The following SLC35D1 variants were observed in gnomAD, a reference collection of about 807,000 sequenced individuals.
The protein encoded by SLC35D1 is solute carrier family 35 member D1.
In SLC35D1, 31 loss-of-function variants were observed where a neutral mutation model predicts 46.7. The observed-to-expected ratio is 0.66, with a 90% confidence interval of 0.50 to 0.90. The LOEUF is 0.90. Among genes scored for constraint, SLC35D1 ranks in the 40% least tolerant of loss-of-function variants. SLC35D1 has a pLI of 0.00. For synonymous variants in SLC35D1, 195 were observed against 164.6 expected (o/e 1.18, Z -1.41); for missense variants, 397 against 426.2 (o/e 0.93, Z 0.60).
chr1:67,025,309 T>C (rs1667894735), intron 8 of SLC35D1, among the ~76,000 whole-genome samples: 1 of 152,226 alleles, frequency 6.6e-6, no homozygotes, highest in Non-Finnish European at 1.5e-5. Context: ...AGATGTCAAA[T>C]TGTTCTACCA....
chr1:66,991,648 A>G, the SLC35D1 span, among the ~76,000 whole-genome samples: 64 of 152,342 alleles, frequency 4.2e-4, no homozygotes, highest in Admixed American at 2.4e-3. Context: ...CCTTCTAACT[A>G]TTCCAGAACG....
At chr1:67,043,005 C>T (rs936163886) in intron 7 of SLC35D1, among the ~76,000 whole-genome samples, 1 of 152,044 alleles carries the variant, frequency 6.6e-6, no homozygotes, top group African/African-American at 2.4e-5. Context: ...CAAGACCAGC[C>T]TGGCCAACAT....
At position 67,009,149 on chromosome 1, in the gene SLC35D1, T is replaced by C; in HGVS notation, c.895A>G (p.Ile299Val). 2 of 1,414,372 alleles carry C rather than the reference T, an allele frequency of 1.4e-6. No individual in the cohort carries two copies. Among genetic ancestry groups the C allele is most frequent in the Non-Finnish European group, 2.0e-6 (2 of 1,011,504 alleles). The allele number at this position is 1,414,372 out of a possible 1,614,324, so 87.6% of individuals were successfully genotyped here. A position where few individuals can be genotyped will look rare whatever the true frequency, so the allele number is the denominator to read the frequency against. The change falls in exon 11 of 12, where the codon ATT (isoleucine) becomes GTT (valine). Residue 299 changes from isoleucine (I) to valine (V), a missense_variant. By Grantham distance (29) the Ile-to-Val change is conservative. Transcript: ENST00000235345. ...TAATCTCCACCAAAGACCATTCCAA[T>C]ATAAGTTATTAATATATTCTAAAAA... is the stretch of plus-strand genomic sequence containing the variant. ...GCIKNILITY[I>V]GMVFGGDYIF...
chr1:66,981,136 A>G, the SLC35D1 span, among the ~76,000 whole-genome samples: 1 of 152,222 alleles, frequency 6.6e-6, no homozygotes, highest in Non-Finnish European at 1.5e-5. Flanking sequence ...TAAACCTGAG[A>G]GAGACAAATC....
intron 10 of SLC35D1, among the ~76,000 whole-genome samples, chr1:67,015,160 T>TA (rs140508453): frequency 0.021 from 1,752 of 85,382 alleles, 33 homozygotes; most frequent in African/African-American, 0.03. Flanking sequence ...TGTGTTTTTG[T>TA]AAAAAAAAAA....
Position 67,002,623 on chromosome 1 carries a change from G to GGTT in SLC35D1, c.*1714_*1716dup, listed in dbSNP as rs1195414539. ...TAATGAAGCTTGTAACTTGGGAGTT[G>GGTT]GTTGCAGGGATAATTCTAGGGACAC... On this transcript the variant is annotated 3_prime_UTR_variant, in exon 12 of 12. Coordinates refer to ENST00000235345, the MANE Select transcript of SLC35D1 (RefSeq NM_015139.3). 6.6e-6 allele frequency: 1 copy of GGTT among 152,268 alleles called. No homozygotes were observed. Among genetic ancestry groups the GGTT allele is most frequent in the Non-Finnish European group, 1.5e-5 (1 of 68,034 alleles). The allele number at this position is 152,268 out of a possible 1,614,324, so 9.4% of individuals were successfully genotyped here. A position where few individuals can be genotyped will look rare whatever the true frequency, so the allele number is the denominator to read the frequency against.
At position 67,039,520 on chromosome 1, in the gene SLC35D1, T is replaced by C. The variant is rs563909346; in HGVS notation, c.729+2716A>G. Among the ~76,000 whole-genome samples, 448 of 148,394 alleles carry C rather than the reference T, an allele frequency of 3.0e-3. 1 individual carries two copies. The highest frequency in any genetic ancestry group is 9.4e-3 in the African/African-American group (367 of 39,112). The stretch of plus-strand genomic sequence containing the variant: ...GTGTGTGTGTGTGTGTGTGTGTGTG[T>C]GCGCGCGTGGGGGGTATTCTTATTT... On this transcript the variant is annotated intron_variant, in intron 8 of 11. Transcript: ENST00000235345.
the SLC35D1 span, chr1:66,985,427 T>C: frequency 1.0e-6 from 1 of 983,594 alleles, no homozygotes; most frequent in East Asian, 1.1e-4. Flanking sequence ...CTGAAAATTA[T>C]GCTAGCATGA....
the SLC35D1 span, among the ~76,000 whole-genome samples, chr1:66,980,405 T>C: frequency 6.6e-6 from 1 of 152,216 alleles, no homozygotes; most frequent in East Asian, 1.9e-4. Flanking sequence ...CTGAGATATG[T>C]ATTAGTTTTA....
chr1:67,048,104 T>C (rs909024334), intron 6 of SLC35D1, among the ~76,000 whole-genome samples: 3 of 152,198 alleles, frequency 2.0e-5, no homozygotes, highest in African/African-American at 7.2e-5. Flanking sequence ...AGAGATACTG[T>C]ATAGGAGCCA....
In SLC35D1 at chr1:67,003,207, A is replaced by C. The variant is rs1667378804; in HGVS notation, c.*1133T>G. On this transcript the variant is annotated 3_prime_UTR_variant, in exon 12 of 12. Coordinates refer to ENST00000235345, the MANE Select transcript of SLC35D1 (RefSeq NM_015139.3). ...ACCAGCCTTTCCCCTCAAACCAATA[A>C]ATTCAGAAATGTGGGACCTCATCAT... 1.3e-5 allele frequency: 2 copies of C among 152,340 alleles called. No individual in the cohort carries two copies. The highest frequency in any genetic ancestry group is 4.8e-5 in the African/African-American group (2 of 41,442). 9.4% of individuals were successfully genotyped at this position (152,340 alleles called of 1,614,324 possible).
intron 10 of SLC35D1, among the ~76,000 whole-genome samples, chr1:67,018,429 G>C (rs185001073): frequency 6.6e-6 from 1 of 152,270 alleles, no homozygotes; most frequent in African/African-American, 2.4e-5. Flanking sequence ...GTATATATTA[G>C]GGTATCCTAA....
In SLC35D1 at chr1:67,008,495, G is replaced by A. The variant is rs941018093; in HGVS notation, c.959+590C>T. On this transcript the variant is annotated intron_variant, in intron 11 of 11. Coordinates refer to ENST00000235345, the MANE Select transcript of SLC35D1 (RefSeq NM_015139.3). ...GACAAAGTTACAGTTCCTGAGACAG[G>A]GGCCTTGTTAGAATACTGCAAATCT... 5 of 1,281,426 alleles carry A rather than the reference G, an allele frequency of 3.9e-6. No individual in the cohort carries two copies. The South Asian group carries it at 5.0e-5, about 13-fold the overall frequency. 79.4% of individuals were successfully genotyped at this position (1,281,426 alleles called of 1,614,324 possible). A position where few individuals can be genotyped will look rare whatever the true frequency, so the allele number is the denominator to read the frequency against.
At chr1:66,979,707 C>T in the SLC35D1 span, among the ~76,000 whole-genome samples, 1 of 151,572 alleles carries the variant, frequency 6.6e-6, no homozygotes, top group Non-Finnish European at 1.5e-5. Context: ...AGAATTATGA[C>T]TATATCCAGA....
chr1:67,022,190 G>A (rs567064652), intron 8 of SLC35D1, among the ~76,000 whole-genome samples: 4 of 152,124 alleles, frequency 2.6e-5, no homozygotes, highest in African/African-American at 9.6e-5. Context: ...GAAATGAAAG[G>A]GTACACTGAT....
chr1:67,053,105 C>T (rs1645328436), intron 1 of SLC35D1, 116 bp from the exon 2 acceptor site: 7 of 1,221,810 alleles, frequency 5.7e-6, no homozygotes, highest in Non-Finnish European at 8.2e-6. Flanking sequence ...ACATCAACGT[C>T]CGCCCCTAAA....
intron 1 of SLC35D1, among the ~76,000 whole-genome samples, chr1:67,053,234 C>T (rs959618463): frequency 1.3e-5 from 2 of 151,912 alleles, no homozygotes; most frequent in Non-Finnish European, 2.9e-5. Flanking sequence ...AGTCCGCTGC[C>T]TGCAAAGGAT....
chr1:66,977,751 T>C, the SLC35D1 span, among the ~76,000 whole-genome samples: 4 of 152,160 alleles, frequency 2.6e-5, no homozygotes. Context: ...ATTGTTATGA[T>C]GGAATTAACT....
intron 7 of SLC35D1, among the ~76,000 whole-genome samples, chr1:67,046,909 G>A (rs1276416687): frequency 6.6e-6 from 1 of 151,988 alleles, no homozygotes; most frequent in Non-Finnish European, 1.5e-5. Context: ...TTCCCTTCAA[G>A]TCTGCCCAAA....
Sources: allele counts gnomAD v4.1 joint callset (sites outside exome capture counted in the v4.1 genomes callset), GRCh38; gene constraint gnomAD v4.1.1; transcripts MANE v1.5; gene names NCBI Gene and HGNC (gene_info 2026-07-23, HGNC 2026-07-21).